Variants in KIAA1217 observed in about 807,000 individuals in gnomAD.
KIAA1217 encodes the protein sickle tail protein homolog.
In KIAA1217, 88 loss-of-function variants were observed where a neutral mutation model predicts 163.9. The ratio of observed to expected loss-of-function variants is 0.54; its 90% CI spans 0.45 to 0.64. The LOEUF (loss-of-function observed/expected upper bound fraction) is 0.64. KIAA1217 is among the 30% of genes least tolerant of loss of function. The pLI is 0.00. For missense variants in KIAA1217, 2,372 were observed against 2,475.0 expected (o/e 0.96, Z 0.88); for synonymous variants, 903 against 923.1 (o/e 0.98, Z 0.39).
chr10:24,274,281 G>T (rs1417838352), intron 2 of KIAA1217, among the ~76,000 whole-genome samples: 1 of 152,034 alleles, frequency 6.6e-6, no homozygotes, highest in Non-Finnish European at 1.5e-5. Context: ...TTGAGGTCAG[G>T]AGTTCATGAC....
At chr10:24,395,999 A>C (rs1374862189) in intron 3 of KIAA1217, among the ~76,000 whole-genome samples, 1 of 151,906 alleles carries the variant, frequency 6.6e-6, no homozygotes, top group East Asian at 1.9e-4. Flanking sequence ...AAGAGTAAAA[A>C]CTCAATTAAA....
At chr10:23,969,545 T>C (rs1253806906) in intron 1 of KIAA1217, among the ~76,000 whole-genome samples, 1 of 152,224 alleles carries the variant, frequency 6.6e-6, no homozygotes, top group African/African-American at 2.4e-5. Context: ...ATTTTGAGCA[T>C]CTTTTCATGT....
At chr10:24,313,909 G>A (rs962413666) in intron 2 of KIAA1217, among the ~76,000 whole-genome samples, 9 of 139,840 alleles carry the variant, frequency 6.4e-5, no homozygotes, top group African/African-American at 1.3e-4. Context: ...GTGCAATCTC[G>A]GCTCACTGCA....
chr10:23,736,647 C>T (rs1282398921), intron 1 of KIAA1217, among the ~76,000 whole-genome samples: 1 of 152,098 alleles, frequency 6.6e-6, no homozygotes, highest in Non-Finnish European at 1.5e-5. Context: ...CTCAGCTTCC[C>T]ATGTAGTTGG....
At chr10:24,376,359 G>T (rs1292061888) in intron 2 of KIAA1217, among the ~76,000 whole-genome samples, 1 of 152,174 alleles carries the variant, frequency 6.6e-6, no homozygotes, top group African/African-American at 2.4e-5. Flanking sequence ...ACACCAACTA[G>T]CTCAACCTCT....
intron 2 of KIAA1217, among the ~76,000 whole-genome samples, chr10:24,082,366 GC>G (rs2061565155): frequency 6.6e-6 from 1 of 152,052 alleles, no homozygotes; most frequent in Non-Finnish European, 1.5e-5. Flanking sequence ...AGCCCAGCAT[GC>G]CTTAGCTATT....
At chr10:24,354,867 C>T (rs541832278) in intron 2 of KIAA1217, among the ~76,000 whole-genome samples, 1 of 149,172 alleles carries the variant, frequency 6.7e-6, no homozygotes, top group Admixed American at 6.7e-5. Context: ...AACAGGAATG[C>T]CCGTTCCCAT....
At chr10:24,315,930 G>T (rs983140973) in intron 2 of KIAA1217, among the ~76,000 whole-genome samples, 6 of 25,868 alleles carry the variant, frequency 2.3e-4, no homozygotes, top group Non-Finnish European at 3.9e-4. Context: ...TTTATCTAAT[G>T]GGGGGGGGGA....
chr10:24,198,583 G>GGAAA (rs796109687), intron 2 of KIAA1217, among the ~76,000 whole-genome samples: 1 of 115,024 alleles, frequency 8.7e-6, no homozygotes. Flanking sequence ...CTCTTATCTC[G>GGAAA]AAAAAAAAAA....
intron 2 of KIAA1217, among the ~76,000 whole-genome samples, chr10:24,315,928 A>AT (rs1554811304): frequency 1.2e-5 from 1 of 84,700 alleles, no homozygotes; most frequent in Non-Finnish European, 2.4e-5. Flanking sequence ...ATTTTATCTA[A>AT]TGGGGGGGGG....
chr10:23,974,212 T>C (rs1018866999), intron 1 of KIAA1217, among the ~76,000 whole-genome samples: 2 of 152,154 alleles, frequency 1.3e-5, no homozygotes. Flanking sequence ...TTGAAGTCTA[T>C]GCCCAACAAC....
intron 14 of KIAA1217, among the ~76,000 whole-genome samples, chr10:24,530,953 G>T (rs2135024534): frequency 6.6e-6 from 1 of 152,076 alleles, no homozygotes; most frequent in African/African-American, 2.4e-5. Flanking sequence ...CCAGCACTTT[G>T]GGAGGCTGAG....
intron 17 of KIAA1217, among the ~76,000 whole-genome samples, chr10:24,541,801 C>A (rs1398964257): frequency 1.3e-5 from 2 of 152,190 alleles, no homozygotes; most frequent in Admixed American, 6.5e-5. Flanking sequence ...TCAGTCTACA[C>A]TGGAAAATAT....
intron 1 of KIAA1217, among the ~76,000 whole-genome samples, chr10:24,001,064 A>G (rs1754538485): frequency 7.1e-6 from 1 of 141,346 alleles, no homozygotes; most frequent in Non-Finnish European, 1.6e-5. Context: ...CCAGACTGCA[A>G]AGTAAACACA....
chr10:23,711,721 A>G (rs1837269363), intron 1 of KIAA1217, among the ~76,000 whole-genome samples: 1 of 152,186 alleles, frequency 6.6e-6, no homozygotes, highest in African/African-American at 2.4e-5. Flanking sequence ...TCACCAGGAA[A>G]GCATGGTCCA....
chr10:24,402,150 A>G (rs7912789), intron 3 of KIAA1217, among the ~76,000 whole-genome samples: 33,949 of 152,182 alleles, frequency 0.22, 4,134 homozygotes, highest in East Asian at 0.31. Context: ...AAATATTCCT[A>G]TAAAAACCAC....
At chr10:24,499,819 G>T (rs2067290883) in intron 8 of KIAA1217, among the ~76,000 whole-genome samples, 1 of 152,148 alleles carries the variant, frequency 6.6e-6, no homozygotes, top group South Asian at 2.1e-4. Context: ...ATGCCTTCTG[G>T]CCTGCTCCCC....
chr10:23,831,287 C>G (rs946690841), intron 1 of KIAA1217, among the ~76,000 whole-genome samples: 1 of 144,630 alleles, frequency 6.9e-6, no homozygotes, highest in African/African-American at 2.6e-5. Context: ...AGCTTTTACA[C>G]AGAAAAAAAA....
chr10:24,311,813 C>T (rs12245682), intron 2 of KIAA1217, among the ~76,000 whole-genome samples: 271 of 152,090 alleles, frequency 1.8e-3, no homozygotes, highest in Middle Eastern at 0.01. Context: ...AAAGAAGTGC[C>T]GTTAGAATAG....
Sources: allele counts gnomAD v4.1 joint callset (sites outside exome capture counted in the v4.1 genomes callset), GRCh38; gene constraint gnomAD v4.1.1; transcripts MANE v1.5; gene names NCBI Gene and HGNC (gene_info 2026-07-23, HGNC 2026-07-21).